PDZD2: variants seen among roughly 807,000 people sequenced by gnomAD.
The protein encoded by PDZD2 is PDZ domain containing 2.
PDZD2 carries 90 observed loss-of-function variants against 220.7 expected under a neutral mutation model. The ratio of observed to expected loss-of-function variants is 0.41; its 90% CI spans 0.34 to 0.49. The LOEUF is 0.49. Ranked by LOEUF, PDZD2 falls within the 20% of genes least tolerant of loss-of-function variation. The probability of loss-of-function intolerance (pLI) is 0.28; values close to 1 mark genes in which losing one functional copy is unlikely to be tolerated. For synonymous variants in PDZD2, 1,375 were observed against 1,450.5 expected, an observed-to-expected ratio of 0.95 and a Z score of 1.18; for missense variants, 3,174 against 3,608.5, an observed-to-expected ratio of 0.88 and a Z score of 3.08.
At chr5:31,783,819 T>C (rs1302892981) in intron 1 of PDZD2, among the ~76,000 whole-genome samples, 1 of 152,188 alleles carries the variant, frequency 6.6e-6, no homozygotes, top group East Asian at 1.9e-4. Flanking sequence ...TTGTCTCTAA[T>C]ACAAAGAAGT....
intron 3 of PDZD2, among the ~76,000 whole-genome samples, chr5:31,994,924 T>C (rs777220996): frequency 6.6e-6 from 1 of 152,222 alleles, no homozygotes; most frequent in Non-Finnish European, 1.5e-5. Flanking sequence ...AGAACAAACC[T>C]GGAAATACTA....
At chr5:31,937,802 C>T (rs1465827517) in intron 2 of PDZD2, among the ~76,000 whole-genome samples, 1 of 152,216 alleles carries the variant, frequency 6.6e-6, no homozygotes. Flanking sequence ...ATCCTTCAGA[C>T]TGATCTGTCC....
At chr5:31,877,836 C>T (rs1739448559) in intron 2 of PDZD2, among the ~76,000 whole-genome samples, 1 of 152,062 alleles carries the variant, frequency 6.6e-6, no homozygotes, top group South Asian at 2.1e-4. Context: ...ATTACAGGTG[C>T]ACACCATCGC....
At chr5:31,891,034 G>C (rs1263897951) in intron 2 of PDZD2, among the ~76,000 whole-genome samples, 1 of 151,930 alleles carries the variant, frequency 6.6e-6, no homozygotes. Flanking sequence ...CCTGAGCTGA[G>C]TGCCTTAATT....
intron 2 of PDZD2, among the ~76,000 whole-genome samples, chr5:31,812,907 T>G (rs1755208255): frequency 6.6e-6 from 1 of 152,270 alleles, no homozygotes; most frequent in South Asian, 2.1e-4. Context: ...AATGCAGGTG[T>G]AAGCAAACAA....
intron 2 of PDZD2, among the ~76,000 whole-genome samples, chr5:31,849,075 C>T (rs760623361): frequency 2.6e-5 from 4 of 152,104 alleles, no homozygotes; most frequent in Non-Finnish European, 5.9e-5. Flanking sequence ...CCTTCCTTTC[C>T]TCTGTTTTGC....
intron 2 of PDZD2, among the ~76,000 whole-genome samples, chr5:31,866,880 CAG>C (rs1738277440): frequency 6.6e-6 from 1 of 152,198 alleles, no homozygotes; most frequent in Non-Finnish European, 1.5e-5. Flanking sequence ...TTTTCAGAGT[CAG>C]GGGTTCCTTA....
chr5:31,925,306 G>A (rs1744647536), intron 2 of PDZD2, among the ~76,000 whole-genome samples: 2 of 151,914 alleles, frequency 1.3e-5, no homozygotes, highest in East Asian at 1.9e-4. Context: ...CAGAAATAAA[G>A]CCACACATCT....
At chr5:31,845,046 G>T (rs1422935543) in intron 2 of PDZD2, among the ~76,000 whole-genome samples, 1 of 152,200 alleles carries the variant, frequency 6.6e-6, no homozygotes, top group Non-Finnish European at 1.5e-5. Context: ...AGAAGATATT[G>T]TTACCACGTC....
intron 2 of PDZD2, among the ~76,000 whole-genome samples, chr5:31,814,394 A>G (rs1755303174): frequency 6.6e-6 from 1 of 152,236 alleles, no homozygotes; most frequent in African/African-American, 2.4e-5. Context: ...TAGGTAGGTT[A>G]CAGCCTGATT....
At chr5:31,897,743 C>CTTTT (rs34233036) in intron 2 of PDZD2, among the ~76,000 whole-genome samples, 1 of 146,836 alleles carries the variant, frequency 6.8e-6, no homozygotes, top group African/African-American at 2.5e-5. Context: ...TGACTGTTGG[C>CTTTT]TTTTTTTTTT....
intron 19 of PDZD2, among the ~76,000 whole-genome samples, chr5:32,086,094 C>T (rs1250943947): frequency 2.0e-5 from 3 of 152,298 alleles, no homozygotes; most frequent in South Asian, 2.1e-4. Flanking sequence ...CCTCTGAATT[C>T]GTCAAGACAG....
intron 2 of PDZD2, among the ~76,000 whole-genome samples, chr5:31,947,249 A>C (rs1047054490): frequency 2.0e-5 from 3 of 152,218 alleles, no homozygotes; most frequent in Non-Finnish European, 4.4e-5. Flanking sequence ...CCACTATTCT[A>C]AGCCCCGGGG....
At chr5:31,962,043 A>ATTTGGAACT (rs1748290269) in intron 2 of PDZD2, among the ~76,000 whole-genome samples, 1 of 152,174 alleles carries the variant, frequency 6.6e-6, no homozygotes, top group Admixed American at 6.5e-5. Context: ...ATAGTCTCTG[A>ATTTGGAACT]TTTGGAACTT....
In PDZD2 at chr5:32,089,882, C is replaced by G. The variant is rs907828426; in HGVS notation, c.6434C>G (p.Ser2145Cys). The change falls in exon 20 of 25, where the codon TCC (serine) becomes TGC (cysteine). Residue 2145 changes from serine (S) to cysteine (C), a missense_variant. By Grantham distance (112) the Ser-to-Cys change is moderately radical (BLOSUM62 -1). Coordinates refer to ENST00000438447, the MANE Select transcript of PDZD2 (RefSeq NM_178140.4). The part of the protein sequence containing the change: ...QVAESSTSHP[S>C]SLPSHASQAE... ...GCAGAATCATCCACAAGTCATCCATCCTCACTCCCATCTCATGCCTCCCAG... is the reference window on the plus strand; with the variant it reads ...GCAGAATCATCCACAAGTCATCCATGCTCACTCCCATCTCATGCCTCCCAG... 3 of 1,613,150 alleles carry G rather than the reference C, an allele frequency of 1.9e-6. No homozygotes were observed. Among genetic ancestry groups the G allele is most frequent in the Non-Finnish European group, 2.5e-6 (3 of 1,179,394 alleles).
intron 16 of PDZD2, among the ~76,000 whole-genome samples, chr5:32,071,630 C>G (rs1425440355): frequency 6.6e-6 from 1 of 151,858 alleles, no homozygotes; most frequent in Non-Finnish European, 1.5e-5. Flanking sequence ...AAGAACAGAG[C>G]AACAAAATAA....
Position 32,095,058 on chromosome 5 carries a change from C to T in PDZD2, c.7845+2034C>T, listed in dbSNP as rs1383392391. 3.3e-5 allele frequency among the ~76,000 whole-genome samples: 5 copies of T among 152,278 alleles called. No homozygotes were observed. The South Asian group carries it at 8.3e-4, about 25-fold the overall frequency. The stretch of plus-strand genomic sequence containing the variant: ...CAGGTGGGGTCACACGTTGCCAGGC[C>T]CCCTTTACCCCAGACATTTTAGTGT... On this transcript the variant is annotated intron_variant, in intron 21 of 24. Transcript: ENST00000438447.
At chr5:31,717,481 A>C (rs1748522410) in intron 1 of PDZD2, among the ~76,000 whole-genome samples, 1 of 152,168 alleles carries the variant, frequency 6.6e-6, no homozygotes, top group Non-Finnish European at 1.5e-5. Context: ...AGGTGCCAGT[A>C]GCTTACCTGG....
intron 1 of PDZD2, among the ~76,000 whole-genome samples, chr5:31,761,860 C>CA (rs112422855): frequency 0.49 from 62,141 of 126,294 alleles, 14,277 homozygotes; most frequent in Admixed American, 0.57. Context: ...AACTACATCT[C>CA]AAAAAAAAAA....
Sources: gnomAD v4.1 joint callset for allele counts (sites outside exome capture counted in the v4.1 genomes callset) on GRCh38, gnomAD v4.1.1 for gene constraint, MANE v1.5 for transcripts, NCBI Gene and HGNC (gene_info 2026-07-23, HGNC 2026-07-21) for gene names.